Variants in RARA observed in about 807,000 individuals in gnomAD.
The protein encoded by RARA is retinoic acid receptor alpha.
Under a neutral mutation model 42.8 loss-of-function variants are expected in RARA, and 5 were observed. The ratio of observed to expected loss-of-function variants is 0.12; its 90% CI spans 0.06 to 0.25. RARA has a LOEUF of 0.25. Ranked by LOEUF, RARA falls within the 10% of genes least tolerant of loss-of-function variation. The pLI is 1.00. For synonymous variants in RARA, 256 were observed against 259.5 expected (o/e 0.99, Z 0.13); for missense variants, 402 against 628.7 (o/e 0.64, Z 3.86).
intron 2 of RARA, chr17:40,341,606 A>AC: frequency 7.4e-7 from 1 of 1,357,968 alleles, no homozygotes; most frequent in South Asian, 1.8e-5. Flanking sequence ...GGGTGATGTC[A>AC]CGGGCAGCGG....
Position 40,351,814 on chromosome 17 carries a change from A to C in RARA, c.470-96A>C, listed in dbSNP as rs1325854076. The stretch of plus-strand genomic sequence containing the variant: ...GTGCGCGTGCTTACAAGCCTGGGTG[A>C]CCTCCTCAGCAGCTGGCAGCTCTCT... On this transcript the variant is annotated intron_variant, in intron 4 of 8. Coordinates refer to ENST00000254066, the MANE Select transcript of RARA (RefSeq NM_000964.4). The surrounding 1 kb of genome is among the most constrained non-coding windows in gnomAD (Gnocchi z 4.1). 3 of 1,490,618 alleles carry C rather than the reference A, an allele frequency of 2.0e-6. No homozygotes were observed. Among genetic ancestry groups the C allele is most frequent in the African/African-American group, 2.9e-5 (2 of 69,912 alleles). 92.3% of individuals were successfully genotyped at this position (1,490,618 alleles called of 1,614,324 possible).
chr17:40,351,666 G>C lies in RARA; in HGVS notation c.470-244G>C. 1 of 574,636 alleles carries C rather than the reference G, an allele frequency of 1.7e-6. No homozygotes were observed. The allele number at this position is 574,636 out of a possible 1,614,324, so 35.6% of individuals were successfully genotyped here. On this transcript the variant is annotated intron_variant, in intron 4 of 8. Transcript: ENST00000254066. This position sits in a 1 kb window ranked among gnomAD's most constrained non-coding sequence, Gnocchi z 4.1. ...CGGCTGGCTATGGGGTGGGGTGGGG[G>C]GTGTGTGCAGGGCCACAGCTGTGCT...
intron 2 of RARA, among the ~76,000 whole-genome samples, chr17:40,346,762 C>T (rs983313787): frequency 6.6e-6 from 1 of 150,928 alleles, no homozygotes; most frequent in Admixed American, 6.6e-5. Context: ...GAGCAGACGG[C>T]GGTGGGGAGG....
intron 2 of RARA, among the ~76,000 whole-genome samples, chr17:40,344,090 G>A (rs2143413516): frequency 6.6e-6 from 1 of 151,962 alleles, no homozygotes; most frequent in Admixed American, 6.5e-5. Flanking sequence ...GGGAGGAGGG[G>A]TGGAGTGGGT....
intron 1 of RARA, among the ~76,000 whole-genome samples, chr17:40,312,352 A>G (rs1410439442): frequency 6.6e-6 from 1 of 152,222 alleles, no homozygotes; most frequent in Non-Finnish European, 1.5e-5. Flanking sequence ...AGGATGGCCA[A>G]GTTGGCGCTA....
rs989444933 is a variant in RARA at position 40,351,626 on chromosome 17, G to A, written c.470-284G>A. The A allele has an allele frequency of 7.8e-6, 4 of 515,062 alleles. No individual in the cohort carries two copies. Among genetic ancestry groups the A allele is most frequent in the East Asian group, 3.7e-5 (1 of 26,856 alleles). The allele number at this position is 515,062 out of a possible 1,614,324, so 31.9% of individuals were successfully genotyped here. ...CTGGAGTGTGAGCTGGAGTAGACGC[G>A]TGGGGGATAGCATGCGGCTGGCTAT... is the stretch of plus-strand genomic sequence containing the variant. On this transcript the variant is annotated intron_variant, in intron 4 of 8. Coordinates refer to ENST00000254066, the MANE Select transcript of RARA (RefSeq NM_000964.4). This position sits in a 1 kb window ranked among gnomAD's most constrained non-coding sequence, Gnocchi z 4.1.
chr17:40,317,799 G>A (rs991944855), intron 1 of RARA, among the ~76,000 whole-genome samples: 3 of 151,896 alleles, frequency 2.0e-5, no homozygotes, highest in African/African-American at 7.3e-5. Context: ...CTGGTCCCTA[G>A]AAGAGGATTA....
At chr17:40,338,386 T>C (rs1350112572) in intron 2 of RARA, among the ~76,000 whole-genome samples, 1 of 152,108 alleles carries the variant, frequency 6.6e-6, no homozygotes, top group Non-Finnish European at 1.5e-5. Flanking sequence ...CTGTCAGAAA[T>C]AGAGGTGCTC....
At chr17:40,323,681 C>T (rs1006787832) in intron 1 of RARA, among the ~76,000 whole-genome samples, 2 of 149,900 alleles carry the variant, frequency 1.3e-5, no homozygotes, top group African/African-American at 4.9e-5. Flanking sequence ...AAGAGATTCC[C>T]CCTAGTTCTA....
At chr17:40,350,118 TC>T in intron 4 of RARA, 193 bp downstream of exon 4, 2 of 810,076 alleles carry the variant, frequency 2.5e-6, no homozygotes, top group Non-Finnish European at 3.8e-6. Context: ...TGGCTGTGTG[TC>T]CACGGGCAGG....
At chr17:40,325,775 C>G (rs2033528536) in intron 1 of RARA, among the ~76,000 whole-genome samples, 1 of 152,152 alleles carries the variant, frequency 6.6e-6, no homozygotes, top group Non-Finnish European at 1.5e-5. Flanking sequence ...ATACTTTTCC[C>G]CTTCTCTCAG....
intron 1 of RARA, among the ~76,000 whole-genome samples, chr17:40,324,139 G>A (rs1021904130): frequency 6.6e-5 from 10 of 152,094 alleles, no homozygotes; most frequent in African/African-American, 2.2e-4. Context: ...GGAAAGCCCC[G>A]TGCCAGGCTG....
chr17:40,315,169 T>TACACACACAC (rs1416920772), intron 1 of RARA, among the ~76,000 whole-genome samples: 26 of 107,370 alleles, frequency 2.4e-4, no homozygotes, highest in African/African-American at 1.1e-3. Context: ...TATATATATA[T>TACACACACAC]ATACACACAC....
Position 40,355,205 on chromosome 17 carries a change from C to T in RARA, c.1013-58C>T, listed in dbSNP as rs1239261715. The T allele has an allele frequency of 1.5e-5, 22 of 1,505,600 alleles. No homozygotes were observed. The highest frequency in any genetic ancestry group is 5.0e-5 in the South Asian group (4 of 80,544). 93.3% of individuals were successfully genotyped at this position (1,505,600 alleles called of 1,614,324 possible). ...CTGGGCAGGCACGCCCCCCGGTGGC[C>T]GAGGCTGGGGGTGCAGCTGTGTTCC... On this transcript the variant is annotated intron_variant, in intron 7 of 8. Transcript: ENST00000254066. This position sits in a 1 kb window ranked among gnomAD's most constrained non-coding sequence, Gnocchi z 4.1.
chr17:40,349,872 G>A lies in RARA; in HGVS notation c.416G>A (p.Arg139His), dbSNP rs565178707. 5.6e-6 allele frequency: 9 copies of A among 1,614,226 alleles called. No homozygotes were observed. Among genetic ancestry groups the A allele is most frequent in the South Asian group, 3.3e-5 (3 of 91,084 alleles). Residue 139 changes from arginine to histidine, a missense_variant, in exon 4 of 9, where the codon CGC becomes CAC. Arg to His is a conservative substitution (Grantham distance 29). Transcript: ENST00000254066. ...ATCATCAACAAGGTGACCCGGAACC[G>A]CTGCCAGTACTGCCGACTGCAGAAG... ...NCIINKVTRN[R>H]CQYCRLQKCF...
chr17:40,325,699 A>G (rs957956906), intron 1 of RARA, among the ~76,000 whole-genome samples: 2 of 152,164 alleles, frequency 1.3e-5, no homozygotes, highest in African/African-American at 4.8e-5. Context: ...TGTCATTTGC[A>G]TATGATTCAC....
Position 40,351,371 on chromosome 17 carries a change from C to T in RARA, c.470-539C>T, listed in dbSNP as rs746300120. Reference sequence around the variant, plus strand: ...AAGCCGAGTGGTGTGTGCGGCTCAGCGCCCCTGGTGATTTGTCAGCTCCCC... The same window carrying T: ...AAGCCGAGTGGTGTGTGCGGCTCAGTGCCCCTGGTGATTTGTCAGCTCCCC... On this transcript the variant is annotated intron_variant, in intron 4 of 8. Coordinates refer to ENST00000254066, the MANE Select transcript of RARA (RefSeq NM_000964.4). This position sits in a 1 kb window ranked among gnomAD's most constrained non-coding sequence, Gnocchi z 4.1. The T allele has an allele frequency of 6.5e-5, 27 of 412,848 alleles. 1 individual carries two copies. The highest frequency in any genetic ancestry group is 4.4e-4 in the South Asian group (25 of 57,392). The allele number at this position is 412,848 out of a possible 1,614,324, so 25.6% of individuals were successfully genotyped here. A position where few individuals can be genotyped will look rare whatever the true frequency, so the allele number is the denominator to read the frequency against.
chr17:40,310,038 A>T (rs1220932228), intron 1 of RARA, among the ~76,000 whole-genome samples: 1 of 152,208 alleles, frequency 6.6e-6, no homozygotes, highest in African/African-American at 2.4e-5. Flanking sequence ...AGTGTGGCCC[A>T]GGCCAGAACA....
intron 2 of RARA, chr17:40,342,514 A>T: frequency 7.6e-7 from 1 of 1,311,586 alleles, no homozygotes; most frequent in East Asian, 3.2e-5. Context: ...TTTCACCGGG[A>T]CTGGCGGAGC....
Sources: gnomAD v4.1 joint callset for allele counts (sites outside exome capture counted in the v4.1 genomes callset) on GRCh38, gnomAD v4.1.1 for gene constraint, Gnocchi (gnomAD v3.1) non-coding constraint, MANE v1.5 for transcripts, NCBI Gene and HGNC (gene_info 2026-07-23, HGNC 2026-07-21) for gene names.